Variants in RNF24 observed in about 807,000 individuals in gnomAD.
RNF24 encodes the protein ring finger protein 24.
In RNF24, 14 loss-of-function variants were observed where a neutral mutation model predicts 20.0. That is an observed-to-expected ratio of 0.70 (90% CI 0.46 to 1.10). The LOEUF (loss-of-function observed/expected upper bound fraction) is 1.10. Ranked by LOEUF, RNF24 falls within the 50% of genes least tolerant of loss-of-function variation. The pLI is 0.00. For missense variants in RNF24, 124 were observed against 177.6 expected (o/e 0.70, Z 1.71); for synonymous variants, 45 against 61.1 (o/e 0.74, Z 1.23).
chr20:4,014,136 A>T (rs1452883348), intron 1 of RNF24, among the ~76,000 whole-genome samples: 1 of 152,248 alleles, frequency 6.6e-6, no homozygotes. Flanking sequence ...GTTTTCCAGT[A>T]GTCCTGTAAG....
At chr20:3,961,670 T>A (rs2091203364) in intron 2 of RNF24, among the ~76,000 whole-genome samples, 1 of 152,068 alleles carries the variant, frequency 6.6e-6, no homozygotes, top group Admixed American at 6.5e-5. Flanking sequence ...TTACATATGA[T>A]AACCCTCCCT....
intron 1 of RNF24, among the ~76,000 whole-genome samples, chr20:3,975,696 G>C (rs1053362228): frequency 1.3e-5 from 2 of 152,130 alleles, no homozygotes; most frequent in Non-Finnish European, 2.9e-5. Flanking sequence ...AGTTATACTA[G>C]AGTAATCCAA....
intron 1 of RNF24, among the ~76,000 whole-genome samples, chr20:3,965,883 C>G (rs1403667671): frequency 1.3e-5 from 2 of 152,086 alleles, no homozygotes; most frequent in Admixed American, 6.6e-5. Flanking sequence ...CCTGTAATCC[C>G]AGCACTTTGG....
intron 1 of RNF24, among the ~76,000 whole-genome samples, chr20:3,982,054 G>A (rs1979435559): frequency 6.7e-6 from 1 of 150,092 alleles, no homozygotes; most frequent in Non-Finnish European, 1.5e-5. Flanking sequence ...GGAGCAGTGA[G>A]CGCTAATCGC....
At chr20:3,940,001 C>T (rs2090936196) in intron 4 of RNF24, among the ~76,000 whole-genome samples, 1 of 151,898 alleles carries the variant, frequency 6.6e-6, no homozygotes, top group South Asian at 2.1e-4. Context: ...TTTTGTTGCC[C>T]ACACTGGAGT....
intron 4 of RNF24, 63 bp downstream of exon 4, chr20:3,945,114 A>G: frequency 6.4e-7 from 1 of 1,572,066 alleles, no homozygotes; most frequent in Non-Finnish European, 8.6e-7. Flanking sequence ...GTGTTTAAAC[A>G]TACCACAGCA....
chr20:3,996,987 G>A (rs1245869386), intron 1 of RNF24, among the ~76,000 whole-genome samples: 10 of 151,934 alleles, frequency 6.6e-5, no homozygotes, highest in South Asian at 2.1e-4. Flanking sequence ...TTGAGAGGCC[G>A]AGGCAGGCGG....
At chr20:4,010,659 T>A (rs1278775546) in intron 1 of RNF24, among the ~76,000 whole-genome samples, 2 of 152,244 alleles carry the variant, frequency 1.3e-5, no homozygotes, top group Non-Finnish European at 2.9e-5. Context: ...CTCTCTCTGA[T>A]GTCAATTGAT....
At chr20:3,979,490 C>G (rs1979202635) in intron 1 of RNF24, among the ~76,000 whole-genome samples, 1 of 152,052 alleles carries the variant, frequency 6.6e-6, no homozygotes, top group South Asian at 2.1e-4. Flanking sequence ...GCACGGCCAA[C>G]ATGGTGAAAC....
chr20:3,997,153 G>A (rs958139810), intron 1 of RNF24, among the ~76,000 whole-genome samples: 4 of 150,048 alleles, frequency 2.7e-5, no homozygotes, highest in African/African-American at 9.8e-5. Flanking sequence ...TTGAACCCAG[G>A]TGGCAGAGGT....
At position 3,970,712 on chromosome 20, in the gene RNF24, G is replaced by A. The variant is rs193182534; in HGVS notation, c.-7-6688C>T. Among the ~76,000 whole-genome samples, 18 of 152,172 alleles carry A rather than the reference G, an allele frequency of 1.2e-4. No individual in the cohort carries two copies. In the East Asian group the frequency reaches 3.1e-3, roughly 26 times the overall value. On this transcript the variant is annotated intron_variant, in intron 1 of 5. Coordinates refer to ENST00000358395, the MANE Select transcript of RNF24 (RefSeq NM_001134337.3). ...TGAAATAAAAAAACTAAAACTAAGCGATGGGCTCAACAGCAGAATGGAGAA... is the reference window on the plus strand; with the variant it reads ...TGAAATAAAAAAACTAAAACTAAGCAATGGGCTCAACAGCAGAATGGAGAA...
chr20:3,954,774 C>G (rs369318043), intron 2 of RNF24, among the ~76,000 whole-genome samples: 1 of 151,914 alleles, frequency 6.6e-6, no homozygotes, highest in East Asian at 1.9e-4. Context: ...TGGCAGGCGC[C>G]TGTAATCCCA....
chr20:3,985,882 A>G (rs1301983892), intron 1 of RNF24, among the ~76,000 whole-genome samples: 1 of 151,754 alleles, frequency 6.6e-6, no homozygotes, highest in Non-Finnish European at 1.5e-5. Flanking sequence ...GAGATTATTG[A>G]CATGTGCCAC....
intron 1 of RNF24, among the ~76,000 whole-genome samples, chr20:3,992,524 CT>C (rs35424913): frequency 2.1e-3 from 297 of 143,432 alleles, no homozygotes; most frequent in Middle Eastern, 3.5e-3. Flanking sequence ...AGTATTTTGT[CT>C]TTTTTTTTTT....
At chr20:4,010,125 A>C (rs896875103) in intron 1 of RNF24, among the ~76,000 whole-genome samples, 4 of 152,078 alleles carry the variant, frequency 2.6e-5, no homozygotes, top group Non-Finnish European at 5.9e-5. Flanking sequence ...CTGCAATCCC[A>C]GCACTTTGGG....
At chr20:3,980,953 TTG>T (rs1418730146) in intron 1 of RNF24, among the ~76,000 whole-genome samples, 1 of 146,964 alleles carries the variant, frequency 6.8e-6, no homozygotes, top group Non-Finnish European at 1.5e-5. Flanking sequence ...GTTGCACAAT[TTG>T]TGTGTGTGTG....
rs1176930798 is a variant in RNF24, at chr20:3,932,812, T to C, written c.*1251A>G. On this transcript the variant is annotated 3_prime_UTR_variant, in exon 6 of 6. Coordinates refer to ENST00000358395, the MANE Select transcript of RNF24 (RefSeq NM_001134337.3). ...TTTCCATAGCTAATTTATACAATATTCACAAATCTTAATGGACTTTGAGTC... is the reference window on the plus strand; with the variant it reads ...TTTCCATAGCTAATTTATACAATATCCACAAATCTTAATGGACTTTGAGTC... 4 of 397,714 alleles carry C rather than the reference T, an allele frequency of 1.0e-5. No homozygotes were observed. The highest frequency in any genetic ancestry group is 1.8e-5 in the Non-Finnish European group (4 of 226,046). 24.6% of individuals were successfully genotyped at this position (397,714 alleles called of 1,614,324 possible).
Position 3,928,821 on chromosome 20 carries a change from A to G in RNF24, c.*5242T>C, listed in dbSNP as rs953964430. The G allele has an allele frequency of 6.6e-6, 1 of 150,844 alleles. No individual in the cohort carries two copies. The highest frequency in any genetic ancestry group is 1.5e-5 in the Non-Finnish European group (1 of 67,768). The allele number at this position is 150,844 out of a possible 1,614,324, so 9.3% of individuals were successfully genotyped here. On this transcript the variant is annotated 3_prime_UTR_variant, in exon 6 of 6. Transcript: ENST00000358395. ...TGTTGTCAAATGGAAAACAAGGCAT[A>G]AAGGGAAAATTCTGTAGGAAGCATT... is the stretch of plus-strand genomic sequence containing the variant.
chr20:3,935,171 G>A lies in RNF24; in HGVS notation c.229-98C>T, dbSNP rs2090875843. On this transcript the variant is annotated intron_variant, in intron 4 of 5. Transcript: ENST00000358395. ...TCCTAAAGGCTCAACCGTTTGAAGG[G>A]ACTCATGAGACTCTTATCTTAAAAA... 20 of 792,306 alleles carry A rather than the reference G, an allele frequency of 2.5e-5. No homozygotes were observed. The South Asian group carries it at 3.3e-4, about 13-fold the overall frequency. 49.1% of individuals were successfully genotyped at this position (792,306 alleles called of 1,614,324 possible).
Sources: allele counts gnomAD v4.1 joint callset (sites outside exome capture counted in the v4.1 genomes callset), GRCh38; gene constraint gnomAD v4.1.1; transcripts MANE v1.5; gene names NCBI Gene and HGNC (gene_info 2026-07-23, HGNC 2026-07-21).